The following COX7B2 variants were observed in gnomAD, a reference collection of about 807,000 sequenced individuals.
COX7B2 encodes the protein cytochrome c oxidase subunit 7B2, also known as cytochrome c oxidase subunit 7B2, mitochondrial.
For missense variants in COX7B2, 109 were observed against 95.9 expected (o/e 1.14, Z -0.57); for synonymous variants, 37 against 32.1 (o/e 1.15, Z -0.51).
intron 2 of COX7B2, among the ~76,000 whole-genome samples, chr4:46,826,411 G>A (rs779623528): frequency 1.3e-5 from 2 of 152,124 alleles, no homozygotes; most frequent in African/African-American, 2.4e-5. Context: ...ATGCTTATAC[G>A]CTGTTGGTGG....
At chr4:46,899,031 G>A (rs1719929871) in intron 1 of COX7B2, among the ~76,000 whole-genome samples, 1 of 152,052 alleles carries the variant, frequency 6.6e-6, no homozygotes, top group African/African-American at 2.4e-5. Flanking sequence ...AACAAATTAT[G>A]TTCAAGAAAT....
At chr4:46,798,322 C>G (rs751178737) in intron 2 of COX7B2, among the ~76,000 whole-genome samples, 1 of 152,096 alleles carries the variant, frequency 6.6e-6, no homozygotes, top group Non-Finnish European at 1.5e-5. Flanking sequence ...GCAATATTTT[C>G]TTTGTTTGGA....
At chr4:46,850,867 T>C (rs1026357061) in intron 1 of COX7B2, among the ~76,000 whole-genome samples, 13 of 152,050 alleles carry the variant, frequency 8.5e-5, no homozygotes, top group African/African-American at 3.1e-4. Flanking sequence ...ATTGACAAGA[T>C]TACCATTGTA....
intron 2 of COX7B2, among the ~76,000 whole-genome samples, chr4:46,836,696 TG>T (rs1475534175): frequency 6.6e-6 from 1 of 152,124 alleles, no homozygotes; most frequent in Non-Finnish European, 1.5e-5. Flanking sequence ...TATAATGAAC[TG>T]TATATAATGG....
At chr4:46,874,960 T>G (rs1341308378) in intron 1 of COX7B2, among the ~76,000 whole-genome samples, 1 of 152,198 alleles carries the variant, frequency 6.6e-6, no homozygotes, top group Non-Finnish European at 1.5e-5. Context: ...CTCTGAAAAT[T>G]ACAGGCTCAT....
At chr4:46,889,953 T>C (rs1157163312) in intron 1 of COX7B2, among the ~76,000 whole-genome samples, 1 of 151,862 alleles carries the variant, frequency 6.6e-6, no homozygotes, top group African/African-American at 2.4e-5. Context: ...GTTACTTTTA[T>C]TATGAGGGAA....
chr4:46,876,467 G>A (rs186821725), intron 1 of COX7B2, among the ~76,000 whole-genome samples: 10 of 146,122 alleles, frequency 6.8e-5, no homozygotes, highest in East Asian at 2.0e-4. Context: ...GTGCAGTGGC[G>A]CATCTCCGCT....
In COX7B2 at chr4:46,862,708, T is replaced by C. The variant is rs891717952; in HGVS notation, c.-104-17694A>G. On this transcript the variant is annotated intron_variant, in intron 1 of 2. Coordinates refer to ENST00000355591, the MANE Select transcript of COX7B2 (RefSeq NM_130902.3). Reference sequence around the variant, plus strand: ...ATGTTCATGTATTCAACTGTAAGATTCTTATTAGGTGTTCACCTAATGTTC... The same window carrying C: ...ATGTTCATGTATTCAACTGTAAGATCCTTATTAGGTGTTCACCTAATGTTC... 6.6e-5 allele frequency among the ~76,000 whole-genome samples: 10 copies of C among 152,208 alleles called. 1 individual carries two copies. The highest frequency in any genetic ancestry group is 5.9e-4 in the Admixed American group (9 of 15,278).
At chr4:46,764,350 G>A (rs767054798) in intron 2 of COX7B2, among the ~76,000 whole-genome samples, 1 of 151,582 alleles carries the variant, frequency 6.6e-6, no homozygotes, top group Non-Finnish European at 1.5e-5. Flanking sequence ...TTCAAGACCA[G>A]CCTGACCAAC....
chr4:46,886,013 C>T (rs1428875099), intron 1 of COX7B2, among the ~76,000 whole-genome samples: 1 of 151,924 alleles, frequency 6.6e-6, no homozygotes, highest in Non-Finnish European at 1.5e-5. Flanking sequence ...CCAATGATAA[C>T]GTAGATTTTC....
chr4:46,770,427 CT>C (rs1222441150), intron 2 of COX7B2, among the ~76,000 whole-genome samples: 2 of 152,056 alleles, frequency 1.3e-5, no homozygotes, highest in Non-Finnish European at 2.9e-5. Flanking sequence ...CCAAATAAAT[CT>C]TAGATTCAAT....
chr4:46,871,113 CA>C (rs1717963181), intron 1 of COX7B2, among the ~76,000 whole-genome samples: 1 of 151,818 alleles, frequency 6.6e-6, no homozygotes, highest in Admixed American at 6.6e-5. Flanking sequence ...CTATAGTAAC[CA>C]AAAAAGCATG....
At chr4:46,858,479 A>T (rs1413547207) in intron 1 of COX7B2, among the ~76,000 whole-genome samples, 1 of 152,194 alleles carries the variant, frequency 6.6e-6, no homozygotes, top group Non-Finnish European at 1.5e-5. Flanking sequence ...TGAAAATATT[A>T]GTTTTATATT....
chr4:46,802,688 C>T (rs1419311986), intron 2 of COX7B2, among the ~76,000 whole-genome samples: 1 of 152,166 alleles, frequency 6.6e-6, no homozygotes. Flanking sequence ...TTTCTAACTA[C>T]AGCTGAGGCT....
At chr4:46,820,011 C>G (rs182840788) in intron 2 of COX7B2, among the ~76,000 whole-genome samples, 3 of 152,256 alleles carry the variant, frequency 2.0e-5, no homozygotes, top group Non-Finnish European at 2.9e-5. Context: ...ATTTTTGGTA[C>G]CAGGAACCGG....
At chr4:46,737,683 C>A (rs1358406611) in intron 2 of COX7B2, among the ~76,000 whole-genome samples, 1 of 151,986 alleles carries the variant, frequency 6.6e-6, no homozygotes, top group East Asian at 1.9e-4. Flanking sequence ...TAAAATAATT[C>A]TTTAAATTTA....
rs1281174018 is a variant in COX7B2 at position 46,735,106 on chromosome 4, T to G, written c.87A>C (p.Lys29Asn). Reference protein sequence around the residue: ...LQSMARHSHVKHSPDFHDKYG... With the variant: ...LQSMARHSHVNHSPDFHDKYG... The stretch of plus-strand genomic sequence containing the variant: ...ATTTATCATGAAAATCTGGTGAGTG[T>G]TTTACATGGCTATGTCTTGCCATGC... The change falls in exon 3 of 3, where the codon AAA becomes AAC. Residue 29 changes from lysine to asparagine, a missense_variant. Physicochemically the swap from Lys to Asn is moderately conservative, Grantham distance 94 (BLOSUM62 0). Coordinates refer to ENST00000355591, the MANE Select transcript of COX7B2 (RefSeq NM_130902.3). 6.2e-7 allele frequency: 1 copy of G among 1,613,994 alleles called. No individual in the cohort carries two copies. The highest frequency in any genetic ancestry group is 1.3e-5 in the African/African-American group (1 of 75,038).
At chr4:46,774,968 A>C (rs919645758) in intron 2 of COX7B2, among the ~76,000 whole-genome samples, 2 of 152,118 alleles carry the variant, frequency 1.3e-5, no homozygotes, top group Non-Finnish European at 2.9e-5. Context: ...ATATAAACAA[A>C]GATATGTTAT....
chr4:46,749,062 A>C (rs1240544840), intron 2 of COX7B2, among the ~76,000 whole-genome samples: 1 of 152,098 alleles, frequency 6.6e-6, no homozygotes, highest in African/African-American at 2.4e-5. Context: ...TTCTACTCCC[A>C]AGTTTGATCC....
Sources: gnomAD v4.1 joint callset for allele counts (sites outside exome capture counted in the v4.1 genomes callset) on GRCh38, gnomAD v4.1.1 for gene constraint, MANE v1.5 for transcripts, NCBI Gene and HGNC (gene_info 2026-07-23, HGNC 2026-07-21) for gene names.